ARHGAP19: variants seen among roughly 807,000 people sequenced by gnomAD.
ARHGAP19 encodes rho GTPase-activating protein 19.
Under a neutral mutation model 60.9 loss-of-function variants are expected in ARHGAP19, and 48 were observed. The ratio of observed to expected loss-of-function variants is 0.79; its 90% CI spans 0.62 to 1.00. The LOEUF (loss-of-function observed/expected upper bound fraction) is 1.00. ARHGAP19 is among the 50% of genes least tolerant of loss of function. The pLI, the probability that ARHGAP19 is intolerant of heterozygous loss-of-function variation, is 0.00. For synonymous variants in ARHGAP19, 209 were observed against 215.5 expected (o/e 0.97, Z 0.27); for missense variants, 562 against 597.2 (o/e 0.94, Z 0.61).
At chr10:97,229,735 G>T in intron 10 of ARHGAP19, 29 bp downstream of exon 10, 2 of 1,476,100 alleles carry the variant, frequency 1.4e-6, no homozygotes, top group Admixed American at 3.6e-5. Context: ...TATACAGACA[G>T]ACAGACAGTC....
At chr10:97,255,799 T>C (rs1034677922) in intron 6 of ARHGAP19, among the ~76,000 whole-genome samples, 1 of 152,134 alleles carries the variant, frequency 6.6e-6, no homozygotes, top group African/African-American at 2.4e-5. Flanking sequence ...TACTGTCCCT[T>C]AGGTTTCTCA....
At chr10:97,287,713 A>G (rs569367217) in intron 1 of ARHGAP19, among the ~76,000 whole-genome samples, 43 of 152,348 alleles carry the variant, frequency 2.8e-4, no homozygotes, top group African/African-American at 1.0e-3. Context: ...ACTACACTCC[A>G]GCCTGGACCA....
At chr10:97,238,379 C>T (rs1031592606) in intron 8 of ARHGAP19, among the ~76,000 whole-genome samples, 14 of 151,978 alleles carry the variant, frequency 9.2e-5, no homozygotes, top group African/African-American at 3.4e-4. Context: ...ACTAACGAGA[C>T]CAGTTAATTT....
At position 97,229,185 on chromosome 10, in the gene ARHGAP19, CTTG is replaced by C. The variant is rs761173048; in HGVS notation, c.1433_1435del (p.Thr478del). On this transcript the variant is annotated inframe_deletion, in exon 11 of 12. Transcript: ENST00000358531. The stretch of plus-strand genomic sequence containing the variant: ...TTTCTTCCCTTCAGACCACTTCAAT[CTTG>C]TTGGTGTCATCGTGACAGCTGGAGA... 1.9e-6 allele frequency: 3 copies of C among 1,614,008 alleles called. No homozygotes were observed. Among genetic ancestry groups the C allele is most frequent in the Non-Finnish European group, 2.5e-6 (3 of 1,180,014 alleles).
At chr10:97,291,744 G>C (rs1843235317) in intron 1 of ARHGAP19, among the ~76,000 whole-genome samples, 1 of 152,202 alleles carries the variant, frequency 6.6e-6, no homozygotes, top group Non-Finnish European at 1.5e-5. Flanking sequence ...ATTTTACTGA[G>C]TTACACTGAG....
intron 1 of ARHGAP19, among the ~76,000 whole-genome samples, chr10:97,283,147 T>C (rs1198105101): frequency 1.3e-5 from 2 of 152,138 alleles, no homozygotes; most frequent in African/African-American, 2.4e-5. Flanking sequence ...CGGCTGTTAC[T>C]ATGTAGTTTC....
At chr10:97,291,865 A>C (rs1278059371) in intron 1 of ARHGAP19, among the ~76,000 whole-genome samples, 2 of 152,190 alleles carry the variant, frequency 1.3e-5, no homozygotes, top group African/African-American at 4.8e-5. Flanking sequence ...TTCTCTCCTG[A>C]AAACGCTAAA....
At chr10:97,279,110 C>G (rs1475948208) in intron 1 of ARHGAP19, among the ~76,000 whole-genome samples, 1 of 152,144 alleles carries the variant, frequency 6.6e-6, no homozygotes, top group East Asian at 1.9e-4. Flanking sequence ...AGAAATACAA[C>G]TATCAAAGAA....
chr10:97,245,658 A>G, intron 7 of ARHGAP19, among the ~76,000 whole-genome samples: 1 of 151,422 alleles, frequency 6.6e-6, no homozygotes, highest in East Asian at 1.9e-4. Context: ...AGCATTATAC[A>G]TTTCCCTATC....
intron 1 of ARHGAP19, among the ~76,000 whole-genome samples, chr10:97,272,347 C>T (rs1284508276): frequency 6.6e-6 from 1 of 152,006 alleles, no homozygotes; most frequent in East Asian, 1.9e-4. Flanking sequence ...GTTGCCCAGG[C>T]TGGTCTCGAA....
At position 97,242,289 on chromosome 10, in the gene ARHGAP19, C is replaced by T. The variant is rs114866657; in HGVS notation, c.1185+1679G>A. On this transcript the variant is annotated intron_variant, in intron 8 of 11. Transcript: ENST00000358531. The stretch of plus-strand genomic sequence containing the variant: ...TTCTGTTTTTCTAAAAAGTGCAAAA[C>T]GTTTTTTTCTTTTTTATCTTTAAGT... Among the ~76,000 whole-genome samples, 391 of 140,734 alleles carry T rather than the reference C, an allele frequency of 2.8e-3. 1 individual carries two copies. The highest frequency in any genetic ancestry group is 9.0e-3 in the African/African-American group (343 of 38,082). The allele number at this position is 140,734 out of a possible 152,430, so 92.3% of individuals were successfully genotyped here. A position where few individuals can be genotyped will look rare whatever the true frequency, so the allele number is the denominator to read the frequency against.
chr10:97,227,250 T>C (rs1850914348), intron 11 of ARHGAP19, among the ~76,000 whole-genome samples: 1 of 152,238 alleles, frequency 6.6e-6, no homozygotes, highest in Admixed American at 6.5e-5. Context: ...AATCTGAGGT[T>C]GTATATTCAT....
chr10:97,262,026 C>T (rs1475708934), intron 4 of ARHGAP19, among the ~76,000 whole-genome samples: 1 of 151,982 alleles, frequency 6.6e-6, no homozygotes, highest in Non-Finnish European at 1.5e-5. Context: ...TTTGGAAGTA[C>T]ACAAAATATC....
chr10:97,244,144 T>G lies in ARHGAP19; in HGVS notation c.1009A>C (p.Ile337Leu). 6.2e-7 allele frequency: 1 copy of G among 1,611,434 alleles called. No individual in the cohort carries two copies. The highest frequency in any genetic ancestry group is 8.5e-7 in the Non-Finnish European group (1 of 1,179,064). Residue 337 changes from isoleucine to leucine, a missense_variant, in exon 8 of 12, where the codon ATA (isoleucine) becomes CTA (leucine). Coordinates refer to ENST00000358531, the MANE Select transcript of ARHGAP19 (RefSeq NM_032900.6). ...TQASKDDLDL[I>L]ASCHTKSFQL... The stretch of plus-strand genomic sequence containing the variant: ...AAGGACTTAGTATGACATGAAGCTA[T>G]GAGGTCAAGGTCATCCTAAGGAAAA...
At chr10:97,282,831 T>TAA (rs1843102595) in intron 1 of ARHGAP19, among the ~76,000 whole-genome samples, 1 of 137,384 alleles carries the variant, frequency 7.3e-6, no homozygotes, top group African/African-American at 2.6e-5. Context: ...CTATGTAGTT[T>TAA]CTTTTTTCTT....
intron 3 of ARHGAP19, among the ~76,000 whole-genome samples, chr10:97,264,142 G>C (rs78609132): frequency 0.043 from 6,496 of 152,172 alleles, 204 homozygotes; most frequent in Non-Finnish European, 0.061. Context: ...AAGCTTTAGG[G>C]TCATCCCAAC....
intron 6 of ARHGAP19, among the ~76,000 whole-genome samples, chr10:97,248,307 G>A (rs1006022635): frequency 1.3e-5 from 2 of 151,994 alleles, no homozygotes; most frequent in African/African-American, 2.4e-5. Flanking sequence ...CCAGCTACTC[G>A]AGAGGCTGAG....
Position 97,235,223 on chromosome 10 carries a change from A to G in ARHGAP19, c.1278T>C (p.Leu426=). The change falls in exon 9 of 12, where the codon CTT becomes CTC. Residue 426 remains leucine (L), a synonymous_variant. Coordinates refer to ENST00000358531, the MANE Select transcript of ARHGAP19 (RefSeq NM_032900.6). ...KRARSRSFSG[L]IKRKVLGNQM... ...GACAGCCCAGCATACCTACCTTAAT[A>G]AGCCCACTGAAGGAGCGCGAACGAG... 6.2e-7 allele frequency: 1 copy of G among 1,610,610 alleles called. No individual in the cohort carries two copies. The highest frequency in any genetic ancestry group is 8.5e-7 in the Non-Finnish European group (1 of 1,177,108).
At chr10:97,233,404 T>G (rs926783278) in intron 9 of ARHGAP19, among the ~76,000 whole-genome samples, 1 of 151,882 alleles carries the variant, frequency 6.6e-6, no homozygotes, top group Non-Finnish European at 1.5e-5. Flanking sequence ...AGGGCAAAAA[T>G]TTTAAATTTT....
Sources: gnomAD v4.1 joint callset for allele counts (sites outside exome capture counted in the v4.1 genomes callset) on GRCh38, gnomAD v4.1.1 for gene constraint, MANE v1.5 for transcripts, NCBI Gene and HGNC (gene_info 2026-07-23, HGNC 2026-07-21) for gene names.